The following DENND4C variants were observed in gnomAD, a reference collection of about 807,000 sequenced individuals.
DENND4C encodes DENN domain containing 4C.
Under a neutral mutation model 203.0 loss-of-function variants are expected in DENND4C, and 108 were observed. The observed-to-expected ratio is 0.53, with a 90% confidence interval of 0.46 to 0.62. The LOEUF is 0.62. Among genes scored for constraint, DENND4C ranks in the 20% least tolerant of loss-of-function variants. DENND4C has a pLI of 0.00. For missense variants in DENND4C, 2,481 were observed against 2,301.2 expected, an observed-to-expected ratio of 1.08 and a Z score of -1.60; for synonymous variants, 871 against 792.4, an observed-to-expected ratio of 1.10 and a Z score of -1.67.
intron 1 of DENND4C, among the ~76,000 whole-genome samples, chr9:19,263,666 T>C (rs1054092200): frequency 2.0e-5 from 3 of 151,564 alleles, no homozygotes; most frequent in African/African-American, 7.3e-5. Context: ...CATTTTTTTT[T>C]TTTTTAAGAC....
intron 27 of DENND4C, 61 bp downstream of exon 27, chr9:19,357,215 C>G (rs1825619532): frequency 6.4e-7 from 1 of 1,570,992 alleles, no homozygotes. Context: ...TGTAAAAATT[C>G]TGTCTCTAAA....
At position 19,342,745 on chromosome 9, in the gene DENND4C, T is replaced by C; in HGVS notation, c.3117T>C (p.Gly1039=). The part of the protein sequence containing the change: ...WGSSIVKVPS[G]IFDVNSRKSS... The stretch of plus-strand genomic sequence containing the variant: ...GCAGTATTGTGAAAGTTCCGTCTGG[T>C]ATATTTGATGTCAACAGCAGGAAAA... The change falls in exon 22 of 33, where the codon GGT becomes GGC. Residue 1039 remains glycine, a synonymous_variant. Transcript: ENST00000434457. 6.2e-7 allele frequency: 1 copy of C among 1,610,008 alleles called. No individual in the cohort carries two copies. The highest frequency in any genetic ancestry group is 8.5e-7 in the Non-Finnish European group (1 of 1,178,276).
chr9:19,314,795 A>G (rs1369030761), intron 10 of DENND4C, among the ~76,000 whole-genome samples: 2 of 152,148 alleles, frequency 1.3e-5, no homozygotes, highest in African/African-American at 2.4e-5. Flanking sequence ...TCATTATGCC[A>G]TGCTACATTT....
At chr9:19,253,275 A>G (rs1224929568) in intron 1 of DENND4C, among the ~76,000 whole-genome samples, 1 of 152,230 alleles carries the variant, frequency 6.6e-6, no homozygotes, top group East Asian at 1.9e-4. Context: ...GGTTCCTAGT[A>G]GTAGTGGCAG....
rs143662881 is a variant in DENND4C at position 19,332,037 on chromosome 9, C to A, written c.2313C>A (p.Ala771=). 10 of 1,613,840 alleles carry A rather than the reference C, an allele frequency of 6.2e-6. No individual in the cohort carries two copies. The African/African-American group carries it at 1.2e-4, about 19-fold the overall frequency. ...KRCYTNPPQW[A]KCLFSHCYSL... The stretch of plus-strand genomic sequence containing the variant: ...GTTATACAAATCCACCACAGTGGGC[C>A]AAGTGTCTGTTTAGTCATTGTTACA... The change falls in exon 17 of 33, where the codon GCC becomes GCA. Residue 771 remains alanine (A), a synonymous_variant. Transcript: ENST00000434457.
At chr9:19,323,219 G>C (rs1010777487) in intron 12 of DENND4C, among the ~76,000 whole-genome samples, 1 of 152,198 alleles carries the variant, frequency 6.6e-6, no homozygotes, top group Non-Finnish European at 1.5e-5. Flanking sequence ...CTGATCACCT[G>C]AGGTCCGTTC....
At chr9:19,265,518 T>C (rs1350251634) in intron 1 of DENND4C, among the ~76,000 whole-genome samples, 2 of 152,214 alleles carry the variant, frequency 1.3e-5, no homozygotes, top group Non-Finnish European at 2.9e-5. Context: ...GTTTGTTACA[T>C]ATGTATACAT....
intron 30 of DENND4C, among the ~76,000 whole-genome samples, chr9:19,368,356 A>G (rs1828122335): frequency 6.6e-6 from 1 of 151,648 alleles, no homozygotes; most frequent in Non-Finnish European, 1.5e-5. Context: ...TAAATGTATA[A>G]TGAAAAAGAC....
At chr9:19,291,020 A>T in intron 5 of DENND4C, 144 bp downstream of exon 5, 1 of 798,256 alleles carries the variant, frequency 1.3e-6, no homozygotes, top group Non-Finnish European at 1.9e-6. Flanking sequence ...CCAAGGTGAG[A>T]AATCAACATG....
At chr9:19,322,763 G>C (rs906481938) in intron 12 of DENND4C, among the ~76,000 whole-genome samples, 1 of 151,330 alleles carries the variant, frequency 6.6e-6, no homozygotes, top group East Asian at 1.9e-4. Context: ...AAGGGGGCCA[G>C]TGGATTGGAG....
chr9:19,247,735 T>C (rs1278414564), intron 1 of DENND4C, among the ~76,000 whole-genome samples: 1 of 152,214 alleles, frequency 6.6e-6, no homozygotes, highest in Non-Finnish European at 1.5e-5. Context: ...TTAGTAGGCA[T>C]GTCAATTTTA....
chr9:19,253,165 A>G (rs1369264449), intron 1 of DENND4C, among the ~76,000 whole-genome samples: 2 of 152,258 alleles, frequency 1.3e-5, no homozygotes, highest in Non-Finnish European at 2.9e-5. Flanking sequence ...ATTAGTTGCC[A>G]ATATTTTAAA....
intron 11 of DENND4C, 42 bp from the exon 12 acceptor site, chr9:19,316,579 A>G: frequency 6.2e-7 from 1 of 1,603,932 alleles, no homozygotes; most frequent in Non-Finnish European, 8.5e-7. Context: ...TTCTTCTTAA[A>G]TTTAACATAA....
At position 19,361,933 on chromosome 9, in the gene DENND4C, G is replaced by A; in HGVS notation, c.5494G>A (p.Glu1832Lys). 1 of 1,607,396 alleles carries A rather than the reference G, an allele frequency of 6.2e-7. No homozygotes were observed. Among genetic ancestry groups the A allele is most frequent in the Non-Finnish European group, 8.5e-7 (1 of 1,174,064 alleles). ...DNINLHQEPR[E>K]PLYVSWRNFN... ...TATCAACCTTCATCAGGAACCAAGAGAACCTCTGTATGTCTCATGGAGGAA... is the reference window on the plus strand; with the variant it reads ...TATCAACCTTCATCAGGAACCAAGAAAACCTCTGTATGTCTCATGGAGGAA... Residue 1832 changes from glutamate (E) to lysine (K), a missense_variant, in exon 30 of 33, where the codon GAA becomes AAA. Around this residue, in one of 3 missense-constraint regions of DENND4C, gnomAD observed 2,289 missense variants for 2,113.3 expected, o/e 1.08. Transcript: ENST00000434457.
intron 12 of DENND4C, among the ~76,000 whole-genome samples, chr9:19,321,689 A>G (rs1842904656): frequency 6.6e-6 from 1 of 152,010 alleles, no homozygotes; most frequent in African/African-American, 2.4e-5. Flanking sequence ...TACTAAAAAT[A>G]CAAAAATTAG....
intron 20 of DENND4C, 127 bp from the exon 21 acceptor site, chr9:19,340,865 T>C (rs1821460522): frequency 8.1e-6 from 6 of 738,884 alleles, no homozygotes; most frequent in Non-Finnish European, 1.2e-5. Flanking sequence ...GTGTTCCTTG[T>C]GTGCTTTCTT....
At chr9:19,338,390 T>A (rs938931949) in intron 20 of DENND4C, among the ~76,000 whole-genome samples, 20 of 152,334 alleles carry the variant, frequency 1.3e-4, no homozygotes, top group African/African-American at 4.8e-4. Flanking sequence ...AATTTACTCC[T>A]TTAATGGAAA....
intron 30 of DENND4C, among the ~76,000 whole-genome samples, chr9:19,365,479 A>G (rs537658643): frequency 6.6e-6 from 1 of 152,342 alleles, no homozygotes; most frequent in African/African-American, 2.4e-5. Flanking sequence ...CAAGTGTAAG[A>G]CAAGGATGCC....
At chr9:19,244,511 C>T (rs992868964) in intron 1 of DENND4C, among the ~76,000 whole-genome samples, 4 of 151,776 alleles carry the variant, frequency 2.6e-5, no homozygotes, top group East Asian at 3.9e-4. Flanking sequence ...GAGGCTGAGG[C>T]GGGAGGAGCA....
Sources: allele counts gnomAD v4.1 joint callset (sites outside exome capture counted in the v4.1 genomes callset), GRCh38; gene constraint gnomAD v4.1.1; regional missense constraint gnomAD v4.1.1; transcripts MANE v1.5; gene names NCBI Gene and HGNC (gene_info 2026-07-23, HGNC 2026-07-21).